PABPC4L: variants seen among roughly 807,000 people sequenced by gnomAD.
PABPC4L encodes polyadenylate-binding protein 4-like.
For missense variants in PABPC4L, 452 were observed against 451.4 expected, an observed-to-expected ratio of 1.00 and a Z score of -0.01; for synonymous variants, 169 against 164.1, an observed-to-expected ratio of 1.03 and a Z score of -0.23.
At chr4:133,990,115 C>CATATGATATG in the PABPC4L span, among the ~76,000 whole-genome samples, 1 of 152,136 alleles carries the variant, frequency 6.6e-6, no homozygotes, top group Non-Finnish European at 1.5e-5. Context: ...GGTGAGGACA[C>CATATGATATG]AGCCAAATCA....
At chr4:134,167,927 T>C in the PABPC4L span, among the ~76,000 whole-genome samples, 1 of 152,054 alleles carries the variant, frequency 6.6e-6, no homozygotes, top group Admixed American at 6.5e-5. Flanking sequence ...TTCTGTACTA[T>C]AGAACAAATT....
chr4:133,965,597 T>C, the PABPC4L span, among the ~76,000 whole-genome samples: 1 of 152,136 alleles, frequency 6.6e-6, no homozygotes, highest in East Asian at 1.9e-4. Context: ...CAAAACAGCA[T>C]GGCACTGATA....
At chr4:134,170,589 G>T in the PABPC4L span, among the ~76,000 whole-genome samples, 2 of 152,078 alleles carry the variant, frequency 1.3e-5, no homozygotes, top group East Asian at 3.9e-4. Flanking sequence ...GCCTCACATG[G>T]TGGAAACAGG....
the PABPC4L span, among the ~76,000 whole-genome samples, chr4:133,984,039 A>G: frequency 6.6e-6 from 1 of 151,832 alleles, no homozygotes; most frequent in Admixed American, 6.6e-5. Flanking sequence ...GATCCACTGA[A>G]AGTAAAATTT....
At chr4:134,109,791 G>C in the PABPC4L span, among the ~76,000 whole-genome samples, 1 of 151,256 alleles carries the variant, frequency 6.6e-6, no homozygotes, top group South Asian at 2.1e-4. Flanking sequence ...TGTCACTCAG[G>C]CTGGCAATGG....
the PABPC4L span, among the ~76,000 whole-genome samples, chr4:133,966,866 G>C: frequency 6.6e-6 from 1 of 152,102 alleles, no homozygotes; most frequent in Non-Finnish European, 1.5e-5. Flanking sequence ...TTTTGAAATG[G>C]TTTCAAAAAC....
chr4:133,970,075 A>AT, the PABPC4L span, among the ~76,000 whole-genome samples: 1 of 123,958 alleles, frequency 8.1e-6, no homozygotes, highest in Non-Finnish European at 1.8e-5. Context: ...ATATTTAAAA[A>AT]ATATATATAT....
At chr4:134,115,502 T>G in the PABPC4L span, among the ~76,000 whole-genome samples, 3 of 151,676 alleles carry the variant, frequency 2.0e-5, no homozygotes, top group Non-Finnish European at 4.4e-5. Flanking sequence ...ACAGAGGAAA[T>G]TATGTTTAGA....
the PABPC4L span, among the ~76,000 whole-genome samples, chr4:134,017,855 G>C: frequency 6.6e-6 from 1 of 151,986 alleles, no homozygotes; most frequent in Admixed American, 6.6e-5. Flanking sequence ...AATCCCGCTT[G>C]AAGCAGCCCT....
the PABPC4L span, among the ~76,000 whole-genome samples, chr4:133,976,923 T>A: frequency 2.6e-5 from 4 of 151,812 alleles, no homozygotes; most frequent in Non-Finnish European, 5.9e-5. Flanking sequence ...TTTAATTAGA[T>A]CCCATTTGTC....
rs558790391 is a variant in PABPC4L at position 134,197,859 on chromosome 4, C to T, written c.*2048G>A. On this transcript the variant is annotated 3_prime_UTR_variant, in exon 2 of 2. Transcript: ENST00000421491. ...TACAATGACAATGGAAATGTAAGTGCCACAAGTATTCTGGACAGCATTTAA... is the reference window on the plus strand; with the variant it reads ...TACAATGACAATGGAAATGTAAGTGTCACAAGTATTCTGGACAGCATTTAA... 2 of 151,794 alleles carry T rather than the reference C, an allele frequency of 1.3e-5. No individual in the cohort carries two copies. Among genetic ancestry groups the T allele is most frequent in the South Asian group, 2.1e-4 (1 of 4,824 alleles). The allele number at this position is 151,794 out of a possible 1,614,324, so 9.4% of individuals were successfully genotyped here. A position where few individuals can be genotyped will look rare whatever the true frequency, so the allele number is the denominator to read the frequency against.
chr4:134,188,606 GT>G, the PABPC4L span, among the ~76,000 whole-genome samples: 1 of 151,908 alleles, frequency 6.6e-6, no homozygotes, highest in Non-Finnish European at 1.5e-5. Flanking sequence ...TTGTTTGTTG[GT>G]TTTGTTTTGT....
chr4:133,967,803 G>A, the PABPC4L span, among the ~76,000 whole-genome samples: 1 of 152,286 alleles, frequency 6.6e-6, no homozygotes, highest in Admixed American at 6.5e-5. Flanking sequence ...CCCTGAATAT[G>A]GCACCAGGAC....
At chr4:134,076,846 C>T in the PABPC4L span, among the ~76,000 whole-genome samples, 17 of 151,998 alleles carry the variant, frequency 1.1e-4, no homozygotes, top group South Asian at 2.1e-4. Flanking sequence ...TGTGAATGTG[C>T]GTATATGTGT....
chr4:134,071,167 C>T, the PABPC4L span, among the ~76,000 whole-genome samples: 3 of 152,284 alleles, frequency 2.0e-5, no homozygotes, highest in Admixed American at 2.0e-4. Flanking sequence ...TCCTGTTCAG[C>T]TCATGGCTTC....
downstream of PABPC4L, among the ~76,000 whole-genome samples, chr4:134,192,781 T>C (rs556240540): frequency 3.3e-5 from 5 of 152,240 alleles, no homozygotes; most frequent in East Asian, 9.7e-4. Flanking sequence ...TCATGCTGTA[T>C]GAATCAATTT....
At chr4:134,182,172 G>GA in the PABPC4L span, among the ~76,000 whole-genome samples, 1 of 151,738 alleles carries the variant, frequency 6.6e-6, no homozygotes, top group Non-Finnish European at 1.5e-5. Flanking sequence ...TAAGTAAAAA[G>GA]AAAAAAGCTG....
At chr4:134,178,365 C>CA in the PABPC4L span, among the ~76,000 whole-genome samples, 2,137 of 103,990 alleles carry the variant, frequency 0.021, 22 homozygotes, top group Non-Finnish European at 0.03. Flanking sequence ...AAGAAAAAAG[C>CA]AAAAAAAAAA....
At chr4:134,174,309 A>G in the PABPC4L span, among the ~76,000 whole-genome samples, 1 of 152,138 alleles carries the variant, frequency 6.6e-6, no homozygotes, top group Non-Finnish European at 1.5e-5. Context: ...AATAGTAAGT[A>G]GAAGTATATC....
Sources: allele counts gnomAD v4.1 joint callset (sites outside exome capture counted in the v4.1 genomes callset), GRCh38; gene constraint gnomAD v4.1.1; transcripts MANE v1.5; gene names NCBI Gene and HGNC (gene_info 2026-07-23, HGNC 2026-07-21).